AP3D1: variants seen among roughly 807,000 people sequenced by gnomAD.
The protein encoded by AP3D1 is adaptor related protein complex 3 subunit delta 1.
In AP3D1, 51 loss-of-function variants were observed where a neutral mutation model predicts 147.6. The observed-to-expected ratio is 0.35, with a 90% CI of 0.28 to 0.44. AP3D1 has a LOEUF of 0.44. Ranked by LOEUF, AP3D1 falls within the 20% of genes least tolerant of loss-of-function variation. The pLI is 1.00. For synonymous variants in AP3D1, 760 were observed against 663.0 expected (o/e 1.15, Z -2.25); for missense variants, 1,421 against 1,624.2 (o/e 0.87, Z 2.15).
rs146058956 is a variant in AP3D1 at position 2,138,548 on chromosome 19, G to A, written c.192+71C>T. 219 of 1,180,504 alleles carry A rather than the reference G, an allele frequency of 1.9e-4. 1 individual carries two copies. The East Asian group carries it at 4.9e-3, about 26-fold the overall frequency. 73.1% of individuals were successfully genotyped at this position (1,180,504 alleles called of 1,614,324 possible). ...CTGACAGGTGGACAGACAGGCTGAT[G>A]AATAGGGGACACGTGCTGAGTGGAG... On this transcript the variant is annotated intron_variant, in intron 2 of 31. Coordinates refer to ENST00000643116, the MANE Select transcript of AP3D1 (RefSeq NM_001261826.3).
intron 1 of AP3D1, among the ~76,000 whole-genome samples, chr19:2,144,319 C>A (rs1169218853): frequency 6.6e-6 from 1 of 152,220 alleles, no homozygotes; most frequent in Admixed American, 6.5e-5. Context: ...GCTTTATTCT[C>A]TTGTTGTGGA....
chr19:2,114,113 C>T lies in AP3D1; in HGVS notation c.2601+12G>A, dbSNP rs778025386. The stretch of plus-strand genomic sequence containing the variant: ...GAATGGAGAAGGCCGCCGCCCTGGG[C>T]ACTAGCCTTACCTTCTTCTCCTTCT... On this transcript the variant is annotated intron_variant, in intron 22 of 31. Transcript: ENST00000643116. The T allele has an allele frequency of 6.4e-7, 1 of 1,554,196 alleles. No homozygotes were observed. The highest frequency in any genetic ancestry group is 1.2e-5 in the South Asian group (1 of 84,320).
chr19:2,141,338 G>A (rs2019214283), intron 1 of AP3D1, among the ~76,000 whole-genome samples: 1 of 151,618 alleles, frequency 6.6e-6, no homozygotes, highest in African/African-American at 2.4e-5. Flanking sequence ...ATGTAATTTA[G>A]AACACAGGGT....
At position 2,109,154 on chromosome 19, in the gene AP3D1, T is replaced by G. The variant is rs535042101; in HGVS notation, c.3404A>C (p.Lys1135Thr). ...GAAGGACATCCGAATGCCATCGACTTTGATTGAGCTCATGCTCAAGTCCCC... is the reference window on the plus strand; with the variant it reads ...GAAGGACATCCGAATGCCATCGACTGTGATTGAGCTCATGCTCAAGTCCCC... The part of the protein sequence containing the change: ...ESGDLSMSSI[K>T]VDGIRMSFQN... The change falls in exon 30 of 32, where the codon AAA (lysine) becomes ACA (threonine). Residue 1135 changes from lysine to threonine, a missense_variant. Physicochemically the swap from Lys to Thr is moderately conservative, Grantham distance 78. Coordinates refer to ENST00000643116, the MANE Select transcript of AP3D1 (RefSeq NM_001261826.3). The G allele has an allele frequency of 1.3e-4, 209 of 1,609,990 alleles. No individual in the cohort carries two copies. Among genetic ancestry groups the G allele is most frequent in the Non-Finnish European group, 1.8e-4 (207 of 1,178,782 alleles).
chr19:2,105,810 C>T (rs752270808), intron 31 of AP3D1, among the ~76,000 whole-genome samples: 14 of 152,150 alleles, frequency 9.2e-5, no homozygotes, highest in Non-Finnish European at 1.9e-4. Flanking sequence ...GAATGGCTGC[C>T]GTCAGCCGGG....
intron 1 of AP3D1, among the ~76,000 whole-genome samples, chr19:2,143,885 C>T (rs958532770): frequency 3.3e-5 from 5 of 152,130 alleles, no homozygotes; most frequent in African/African-American, 9.6e-5. Flanking sequence ...GTTGGGAGTT[C>T]GAGACCAGTC....
chr19:2,120,811 C>A, intron 14 of AP3D1, 51 bp downstream of exon 14: 1 of 1,550,628 alleles, frequency 6.4e-7, no homozygotes, highest in Non-Finnish European at 8.8e-7. Flanking sequence ...TGGTCCCTAC[C>A]CCTCAGAAGC....
intron 21 of AP3D1, 140 bp downstream of exon 21, chr19:2,114,608 G>A (rs2018386632): frequency 5.5e-6 from 4 of 733,822 alleles, no homozygotes; most frequent in Middle Eastern, 3.4e-4. Flanking sequence ...CAGTGAGGAC[G>A]TGGTCTGGGG....
chr19:2,122,224 T>C (rs2238593), intron 11 of AP3D1, among the ~76,000 whole-genome samples: 45,054 of 148,570 alleles, frequency 0.3, 7,553 homozygotes, highest in African/African-American at 0.46. Context: ...CAGCAGCAGA[T>C]ACCCTTGGCC....
At chr19:2,116,362 G>A in intron 17 of AP3D1, 84 bp from the exon 18 acceptor site, 5 of 1,436,498 alleles carry the variant, frequency 3.5e-6, no homozygotes, top group Middle Eastern at 1.8e-4. Flanking sequence ...ACCCAGCTGG[G>A]GAAGGCTGGA....
At chr19:2,107,356 C>T (rs569872589) in intron 31 of AP3D1, among the ~76,000 whole-genome samples, 1 of 151,856 alleles carries the variant, frequency 6.6e-6, no homozygotes, top group Non-Finnish European at 1.5e-5. Context: ...GGCAGAGAAG[C>T]GAAAGAAACA....
At chr19:2,103,743 G>T (rs2018025433) in intron 31 of AP3D1, among the ~76,000 whole-genome samples, 1 of 152,128 alleles carries the variant, frequency 6.6e-6, no homozygotes. Flanking sequence ...CCACAGGATG[G>T]AACAAGGCCC....
intron 22 of AP3D1, among the ~76,000 whole-genome samples, chr19:2,113,694 T>C (rs118115300): frequency 6.6e-5 from 10 of 152,352 alleles, no homozygotes; most frequent in Non-Finnish European, 1.5e-4. Context: ...ATATGTCTTA[T>C]GTCTGCCTGG....
intron 9 of AP3D1, among the ~76,000 whole-genome samples, chr19:2,124,206 A>G (rs1459797599): frequency 6.6e-6 from 1 of 152,222 alleles, no homozygotes; most frequent in Non-Finnish European, 1.5e-5. Context: ...CCCCGAGGCC[A>G]CAGGACCAGA....
Position 2,109,181 on chromosome 19 carries a change from G to C in AP3D1, c.3377C>G (p.Ser1126Cys). The C allele has an allele frequency of 6.2e-7, 1 of 1,606,504 alleles. No homozygotes were observed. Among genetic ancestry groups the C allele is most frequent in the Non-Finnish European group, 8.5e-7 (1 of 1,177,252 alleles). Residue 1126 changes from serine to cysteine, a missense_variant, in exon 30 of 32, where the codon TCT becomes TGT. Transcript: ENST00000643116. ...YSDAFAKLLE[S>C]GDLSMSSIKV... The stretch of plus-strand genomic sequence containing the variant: ...GATTGAGCTCATGCTCAAGTCCCCA[G>C]ACTCCAGCAACTTAGCAAAGGCGTC...
upstream of AP3D1, among the ~76,000 whole-genome samples, chr19:2,156,052 CAA>C (rs66864687): frequency 7.0e-4 from 81 of 115,056 alleles, no homozygotes; most frequent in Non-Finnish European, 6.8e-4. Flanking sequence ...GACTCCGTCT[CAA>C]AAAAAAAAAA....
At chr19:2,135,771 G>A (rs2019059880) in intron 4 of AP3D1, among the ~76,000 whole-genome samples, 1 of 152,130 alleles carries the variant, frequency 6.6e-6, no homozygotes. Context: ...CTCACACAGG[G>A]ACCGGCCGTG....
chr19:2,139,666 G>A (rs1450785625), intron 1 of AP3D1, among the ~76,000 whole-genome samples: 1 of 152,140 alleles, frequency 6.6e-6, no homozygotes, highest in Non-Finnish European at 1.5e-5. Flanking sequence ...GAACGATGAG[G>A]CACCCACAAG....
intron 21 of AP3D1, among the ~76,000 whole-genome samples, chr19:2,114,536 G>T (rs1456250687): frequency 1.3e-5 from 2 of 152,166 alleles, no homozygotes; most frequent in Non-Finnish European, 2.9e-5. Flanking sequence ...AGCACCCCAG[G>T]CCTGGAGACT....
Sources: gnomAD v4.1 joint callset for allele counts (sites outside exome capture counted in the v4.1 genomes callset) on GRCh38, gnomAD v4.1.1 for gene constraint, MANE v1.5 for transcripts, NCBI Gene and HGNC (gene_info 2026-07-23, HGNC 2026-07-21) for gene names.